Variants in RERE observed in about 807,000 individuals in gnomAD.
RERE encodes the protein arginine-glutamic acid dipeptide repeats, also known as arginine-glutamic acid dipeptide repeats protein.
A neutral mutation model predicts 146.1 loss-of-function variants in RERE; 40 were observed. The ratio of observed to expected loss-of-function variants is 0.27; its 90% CI spans 0.21 to 0.36. The LOEUF is 0.36. Among genes scored for constraint, RERE ranks in the 10% least tolerant of loss-of-function variants. The pLI is 1.00. For synonymous variants in RERE, 1,003 were observed against 866.0 expected (o/e 1.16, Z -2.78); for missense variants, 1,933 against 2,138.7 (o/e 0.90, Z 1.90).
chr1:8,454,569 G>A (rs563772360), intron 11 of RERE, among the ~76,000 whole-genome samples: 2 of 152,128 alleles, frequency 1.3e-5, no homozygotes, highest in African/African-American at 4.8e-5. Flanking sequence ...CACTTTGGGA[G>A]GCCGAGGCAG....
At chr1:8,735,492 T>C (rs11805440) in intron 1 of RERE, among the ~76,000 whole-genome samples, 7,292 of 152,278 alleles carry the variant, frequency 0.048, 576 homozygotes, top group African/African-American at 0.17. Flanking sequence ...TTTTACTTCC[T>C]GTATCTTTGA....
chr1:8,658,173 T>G (rs1638366162), intron 1 of RERE, among the ~76,000 whole-genome samples: 1 of 152,250 alleles, frequency 6.6e-6, no homozygotes, highest in African/African-American at 2.4e-5. Flanking sequence ...CTTTTGTTTT[T>G]CTTATGATCT....
intron 12 of RERE, among the ~76,000 whole-genome samples, chr1:8,421,669 A>T (rs1159166597): frequency 6.6e-6 from 1 of 152,236 alleles, no homozygotes; most frequent in Non-Finnish European, 1.5e-5. Flanking sequence ...GCTCATTTTT[A>T]AAAAGACAGA....
In RERE at chr1:8,746,262, G is replaced by A. The variant is rs925453260; in HGVS notation, c.-145+70898C>T. Among the ~76,000 whole-genome samples, 46 of 152,140 alleles carry A rather than the reference G, an allele frequency of 3.0e-4. 1 individual carries two copies. Among genetic ancestry groups the A allele is most frequent in the Admixed American group, 2.0e-4 (3 of 15,286 alleles). ...CATAGTCTGATGATAGCTTTTGTCTGTTTAACAAAGCACCCTCCTTACTGA... is the reference window on the plus strand; with the variant it reads ...CATAGTCTGATGATAGCTTTTGTCTATTTAACAAAGCACCCTCCTTACTGA... On this transcript the variant is annotated intron_variant, in intron 1 of 22. Coordinates refer to ENST00000400908, the MANE Select transcript of RERE (RefSeq NM_001042681.2).
intron 8 of RERE, among the ~76,000 whole-genome samples, chr1:8,504,384 ATC>A (rs1553176839): frequency 6.6e-6 from 1 of 152,256 alleles, no homozygotes; most frequent in Non-Finnish European, 1.5e-5. Flanking sequence ...CCCAAAATGG[ATC>A]TTTTAATCAT....
chr1:8,409,381 CA>C (rs1225562693), intron 12 of RERE, among the ~76,000 whole-genome samples: 2 of 152,228 alleles, frequency 1.3e-5, no homozygotes, highest in African/African-American at 4.8e-5. Context: ...CCGCATGAGG[CA>C]GCAGAGAGAA....
At chr1:8,537,806 A>C (rs1358627720) in intron 7 of RERE, among the ~76,000 whole-genome samples, 1 of 152,210 alleles carries the variant, frequency 6.6e-6, no homozygotes, top group Non-Finnish European at 1.5e-5. Context: ...ATCAGGAACA[A>C]AAAAAATCAG....
intron 11 of RERE, among the ~76,000 whole-genome samples, chr1:8,429,583 G>A (rs1056367104): frequency 2.0e-5 from 3 of 152,188 alleles, no homozygotes; most frequent in Non-Finnish European, 4.4e-5. Flanking sequence ...ATGGCTAAAA[G>A]ATACCTCTGC....
chr1:8,487,871 C>T (rs1644923749), intron 10 of RERE, among the ~76,000 whole-genome samples: 1 of 152,046 alleles, frequency 6.6e-6, no homozygotes, highest in Non-Finnish European at 1.5e-5. Context: ...ACAACAGAAT[C>T]CTCAAACAGG....
Position 8,467,668 on chromosome 1 carries a change from G to A in RERE, c.1105-1645C>T, listed in dbSNP as rs950639983. 7.9e-5 allele frequency among the ~76,000 whole-genome samples: 12 copies of A among 151,364 alleles called. No homozygotes were observed. In the South Asian group the frequency reaches 8.3e-4, roughly 11 times the overall value. On this transcript the variant is annotated intron_variant, in intron 10 of 22. Transcript: ENST00000400908. ...TTATTTTTTTCTTTTTTTTTGAGAC[G>A]GAGTCTTGCTCTGTTGCCCAGGCTG...
At chr1:8,610,255 T>C (rs1477029583) in intron 4 of RERE, among the ~76,000 whole-genome samples, 2 of 152,134 alleles carry the variant, frequency 1.3e-5, no homozygotes, top group African/African-American at 4.8e-5. Context: ...TCACAGACCC[T>C]CTAAAACTTT....
chr1:8,794,952 A>G (rs374557501), intron 1 of RERE, among the ~76,000 whole-genome samples: 3 of 152,240 alleles, frequency 2.0e-5, no homozygotes, highest in African/African-American at 4.8e-5. Flanking sequence ...AGCCAGAACC[A>G]TAAGAATGCA....
At chr1:8,365,421 T>TA (rs1282123088) in intron 13 of RERE, among the ~76,000 whole-genome samples, 6 of 152,040 alleles carry the variant, frequency 3.9e-5, no homozygotes, top group African/African-American at 1.4e-4. Context: ...AAGAAAGTGT[T>TA]AATCTGATCT....
intron 10 of RERE, among the ~76,000 whole-genome samples, chr1:8,487,757 A>G (rs939071186): frequency 5.3e-5 from 8 of 152,310 alleles, no homozygotes; most frequent in Admixed American, 2.6e-4. Flanking sequence ...AGGTAAAACT[A>G]TATTTGCACA....
chr1:8,511,678 C>T (rs1451984903), intron 7 of RERE: 2 of 152,212 alleles, frequency 1.3e-5, no homozygotes, highest in African/African-American at 2.4e-5. Context: ...GAAGTGCCAG[C>T]ATCCAGCTGT....
chr1:8,448,177 T>TA (rs1214443972), intron 11 of RERE, among the ~76,000 whole-genome samples: 2 of 152,286 alleles, frequency 1.3e-5, no homozygotes, highest in African/African-American at 4.8e-5. Flanking sequence ...AGGCATTTAA[T>TA]AAATGTTTCT....
chr1:8,745,860 A>T (rs937024748), intron 1 of RERE, among the ~76,000 whole-genome samples: 1 of 152,256 alleles, frequency 6.6e-6, no homozygotes, highest in Non-Finnish European at 1.5e-5. Flanking sequence ...GCTTGAGCCC[A>T]GGAATTCAAG....
At chr1:8,539,212 A>G (rs1398161423) in intron 7 of RERE, among the ~76,000 whole-genome samples, 1 of 152,216 alleles carries the variant, frequency 6.6e-6, no homozygotes, top group East Asian at 1.9e-4. Flanking sequence ...AAGTTCAAGC[A>G]TTTTACAATT....
intron 3 of RERE, 66 bp downstream of exon 3, chr1:8,624,244 A>G: frequency 8.1e-7 from 1 of 1,240,726 alleles, no homozygotes; most frequent in Non-Finnish European, 1.2e-6. Context: ...ACAATAAGAG[A>G]TAGCCAATGG....
Sources: gnomAD v4.1 joint callset for allele counts (sites outside exome capture counted in the v4.1 genomes callset) on GRCh38, gnomAD v4.1.1 for gene constraint, MANE v1.5 for transcripts, NCBI Gene and HGNC (gene_info 2026-07-23, HGNC 2026-07-21) for gene names.